Variants in ZNF510 observed in about 807,000 individuals in gnomAD.
ZNF510 encodes the protein zinc finger protein 510.
ZNF510 carries 15 observed loss-of-function variants against 18.1 expected under a neutral mutation model. The observed-to-expected ratio is 0.83, with a 90% confidence interval of 0.55 to 1.28. The LOEUF (loss-of-function observed/expected upper bound fraction) is 1.28, where lower values mean the gene tolerates loss of function less well. Ranked by LOEUF, ZNF510 falls within the 50% of genes most tolerant of loss-of-function variation. The pLI, the probability that ZNF510 is intolerant of heterozygous loss-of-function variation, is 0.00. For missense variants in ZNF510, 724 were observed against 791.8 expected, an observed-to-expected ratio of 0.91 and a Z score of 1.03; for synonymous variants, 261 against 266.4, an observed-to-expected ratio of 0.98 and a Z score of 0.20.
chr9:96,772,666 T>C (rs997650857), intron 3 of ZNF510, among the ~76,000 whole-genome samples: 2 of 152,256 alleles, frequency 1.3e-5, no homozygotes, highest in East Asian at 1.9e-4. Flanking sequence ...AAGCAAATTA[T>C]AAATTTTGAT....
Position 96,758,881 on chromosome 9 carries a change from T to A in ZNF510, c.1949A>T (p.His650Leu), listed in dbSNP as rs768055602. 6.2e-7 allele frequency: 1 copy of A among 1,614,014 alleles called. No individual in the cohort carries two copies. Among genetic ancestry groups the A allele is most frequent in the Non-Finnish European group, 8.5e-7 (1 of 1,179,988 alleles). ...GCATTCATAAGATTTCTCCCCACTGTGAGTCCTTTGATGTATTCTGAGGTT... is the reference window on the plus strand; with the variant it reads ...GCATTCATAAGATTTCTCCCCACTGAGAGTCCTTTGATGTATTCTGAGGTT... ...KSNLRIHQRT[H>L]SGEKSYECNE... is the part of the protein sequence containing the mutation. The change falls in exon 6 of 6, where the codon CAC becomes CTC. Residue 650 changes from histidine to leucine, a missense_variant. His to Leu is a moderately conservative substitution (Grantham distance 99). Transcript: ENST00000223428.
At chr9:96,767,469 C>T (rs1355059013) in intron 3 of ZNF510, among the ~76,000 whole-genome samples, 1 of 152,122 alleles carries the variant, frequency 6.6e-6, no homozygotes, top group African/African-American at 2.4e-5. Flanking sequence ...AAATTTATAG[C>T]TGTAACACCT....
rs1182734972 is a variant in ZNF510 at position 96,760,080 on chromosome 9, C to CA, written c.749dup (p.Leu250PhefsTer6). On this transcript the variant is annotated frameshift_variant, in exon 6 of 6. Transcript: ENST00000223428. LOFTEE classifies it low-confidence loss of function (END_TRUNC). ...TTTTATTACATTCAAAAGCTTGCTC[C>CA]AAAGTTTGAAACTTTGGATGCTTGG... 6 of 1,610,856 alleles carry CA rather than the reference C, an allele frequency of 3.7e-6. No homozygotes were observed. In the South Asian group the frequency reaches 6.6e-5, roughly 18 times the overall value.
At chr9:96,765,877 A>C (rs1337172560) in intron 3 of ZNF510, among the ~76,000 whole-genome samples, 1 of 152,188 alleles carries the variant, frequency 6.6e-6, no homozygotes, top group Admixed American at 6.5e-5. Context: ...GCCTATGTGC[A>C]AGAAGCCTGT....
intron 3 of ZNF510, among the ~76,000 whole-genome samples, chr9:96,766,403 T>A: frequency 6.7e-6 from 1 of 150,312 alleles, no homozygotes. Flanking sequence ...GTAAATAAAG[T>A]TTTCTTGGAA....
intron 5 of ZNF510, 54 bp downstream of exon 5, chr9:96,763,063 AC>A: frequency 6.9e-7 from 1 of 1,457,398 alleles, no homozygotes; most frequent in Non-Finnish European, 9.6e-7. Context: ...CCCTAAAGTG[AC>A]CTGGAGTCTA....
chr9:96,767,679 G>A (rs558725535), intron 3 of ZNF510, among the ~76,000 whole-genome samples: 1 of 152,034 alleles, frequency 6.6e-6, no homozygotes, highest in Non-Finnish European at 1.5e-5. Context: ...GACTCAAAAA[G>A]AAACAGAACA....
chr9:96,755,521 C>A lies in ZNF510; in HGVS notation c.*3257G>T, dbSNP rs1399272456. Among the ~76,000 whole-genome samples, 4 of 152,134 alleles carry A rather than the reference C, an allele frequency of 2.6e-5. No homozygotes were observed. The highest frequency in any genetic ancestry group is 4.8e-5 in the African/African-American group (2 of 41,422). On this transcript the variant is annotated 3_prime_UTR_variant, in exon 6 of 6. Transcript: ENST00000223428. The stretch of plus-strand genomic sequence containing the variant: ...CTTGGTAAGGCTGCTGGCAGTTCTA[C>A]AGTTACAATGTAACTGGCCTATGAT...
At chr9:96,775,881 C>T in intron 2 of ZNF510, 119 bp downstream of exon 2, 1 of 1,314,028 alleles carries the variant, frequency 7.6e-7, no homozygotes, top group East Asian at 2.7e-5. Context: ...GGATTAGAGA[C>T]AATTTCCTCA....
rs761839707 is a variant in ZNF510, at chr9:96,759,572, T to C, written c.1258A>G (p.Ile420Val). 10 of 1,613,314 alleles carry C rather than the reference T, an allele frequency of 6.2e-6. No homozygotes were observed. In the Admixed American group the frequency reaches 8.3e-5, roughly 13 times the overall value. The stretch of plus-strand genomic sequence containing the variant: ...CCTGTGTGAGTTCTCTGATGTTGAA[T>C]GAGATGTCCTTTCTGACAGAAGGAT... Reference protein sequence around the residue: ...GKSFCQKGHLIQHQRTHTGEK... With the variant: ...GKSFCQKGHLVQHQRTHTGEK... The change falls in exon 6 of 6, where the codon ATT (isoleucine) becomes GTT (valine). Residue 420 changes from isoleucine to valine, a missense_variant. Ile to Val is a conservative substitution (Grantham distance 29). Coordinates refer to ENST00000223428, the MANE Select transcript of ZNF510 (RefSeq NM_014930.3).
chr9:96,768,923 G>A (rs1849531545), intron 3 of ZNF510, among the ~76,000 whole-genome samples: 1 of 152,112 alleles, frequency 6.6e-6, no homozygotes, highest in South Asian at 2.1e-4. Flanking sequence ...TACATTTCCT[G>A]ATTTAAAAAC....
Position 96,758,801 on chromosome 9 carries a change from G to A in ZNF510, c.2029C>T (p.Gln677Ter). The part of the protein sequence containing the change: ...KSTLSLYQKI[Q>*]GEGNPY ...CATCAATAGGGATTCCCCTCTCCCT[G>A]AATTTTCTGGTATAAGCTTAGGGTA... Residue 677 changes from glutamine to a stop codon, truncating the protein, a stop_gained, in exon 6 of 6, where the codon CAG becomes TAG. Coordinates refer to ENST00000223428, the MANE Select transcript of ZNF510 (RefSeq NM_014930.3). LOFTEE classifies it low-confidence loss of function (END_TRUNC). 6.3e-7 allele frequency: 1 copy of A among 1,588,956 alleles called. No homozygotes were observed. Among genetic ancestry groups the A allele is most frequent in the South Asian group, 1.1e-5 (1 of 87,818 alleles).
chr9:96,761,813 C>T (rs1287731491), intron 5 of ZNF510, among the ~76,000 whole-genome samples: 1 of 151,878 alleles, frequency 6.6e-6, no homozygotes, highest in Non-Finnish European at 1.5e-5. Context: ...ATAATTTTTC[C>T]TTAAAGAATA....
rs1849250424 is a variant in ZNF510 at position 96,758,653 on chromosome 9, G to C, written c.*125C>G. 8.2e-6 allele frequency: 8 copies of C among 971,196 alleles called. No homozygotes were observed. Among genetic ancestry groups the C allele is most frequent in the Non-Finnish European group, 3.0e-6 (2 of 674,608 alleles). The allele number at this position is 971,196 out of a possible 1,614,324, so 60.2% of individuals were successfully genotyped here. On this transcript the variant is annotated 3_prime_UTR_variant, in exon 6 of 6. Transcript: ENST00000223428. ...GGTTTCTTTCCTATGTGAATTCTCT[G>C]ATTCACAGTGAGGGTTTACTTCTGG...
intron 3 of ZNF510, among the ~76,000 whole-genome samples, chr9:96,769,178 T>C (rs1849535940): frequency 6.6e-6 from 1 of 152,112 alleles, no homozygotes; most frequent in Non-Finnish European, 1.5e-5. Flanking sequence ...CTCACACCTG[T>C]AATCCCAGCA....
At chr9:96,772,081 T>C (rs1849595537) in intron 3 of ZNF510, among the ~76,000 whole-genome samples, 1 of 152,092 alleles carries the variant, frequency 6.6e-6, no homozygotes, top group Admixed American at 6.5e-5. Context: ...GATAAACTAA[T>C]TGGACCAAAG....
At position 96,760,406 on chromosome 9, in the gene ZNF510, A is replaced by G; in HGVS notation, c.424T>C (p.Cys142Arg). 1 of 1,613,492 alleles carries G rather than the reference A, an allele frequency of 6.2e-7. No individual in the cohort carries two copies. Among genetic ancestry groups the G allele is most frequent in the Non-Finnish European group, 8.5e-7 (1 of 1,179,782 alleles). Residue 142 changes from cysteine (C) to arginine (R), a missense_variant, in exon 6 of 6, where the codon TGT becomes CGT. Transcript: ENST00000223428. ...IKDKHLEQAICINNKTLTTEE... is the reference protein window; with the variant it reads ...IKDKHLEQAIRINNKTLTTEE... ...GTAGTCAATGTTTTATTATTGATAC[A>G]TATTGCTTGCTCCAAGTGTTTGTCT...
intron 3 of ZNF510, among the ~76,000 whole-genome samples, chr9:96,770,615 A>G (rs1849566871): frequency 7.8e-6 from 1 of 128,242 alleles, no homozygotes; most frequent in African/African-American, 4.5e-5. Context: ...AAAAAAAAAT[A>G]TATATATATA....
chr9:96,759,686 T>A lies in ZNF510; in HGVS notation c.1144A>T (p.Asn382Tyr), dbSNP rs1271539950. The A allele has an allele frequency of 1.9e-6, 3 of 1,613,666 alleles. No homozygotes were observed. The highest frequency in any genetic ancestry group is 4.5e-5 in the East Asian group (2 of 44,890). The part of the protein sequence containing the change: ...TWVKSSEYHE[N>Y]KKSYQTSVHR... ...ACCGACGTCTGGTAGGATTTCTTAT[T>A]TTCATGATATTCAGAGGATTTAACC... Residue 382 changes from asparagine (N) to tyrosine (Y), a missense_variant, in exon 6 of 6, where the codon AAT becomes TAT. Coordinates refer to ENST00000223428, the MANE Select transcript of ZNF510 (RefSeq NM_014930.3).
Sources: allele counts gnomAD v4.1 joint callset (sites outside exome capture counted in the v4.1 genomes callset), GRCh38; gene constraint gnomAD v4.1.1; transcripts MANE v1.5; gene names NCBI Gene and HGNC (gene_info 2026-07-23, HGNC 2026-07-21).